ITSN1: variants seen among roughly 807,000 people sequenced by gnomAD.
ITSN1 encodes intersectin-1.
ITSN1 carries 58 observed loss-of-function variants against 239.8 expected under a neutral mutation model. The observed-to-expected ratio is 0.24, with a 90% confidence interval of 0.20 to 0.30. The LOEUF (loss-of-function observed/expected upper bound fraction) is 0.30. Ranked by LOEUF, ITSN1 falls within the 10% of genes least tolerant of loss-of-function variation. ITSN1 has a pLI of 1.00. For missense variants in ITSN1, 1,558 were observed against 2,103.3 expected (o/e 0.74, Z 5.07); for synonymous variants, 780 against 770.8 (o/e 1.01, Z -0.20).
chr21:33,798,262 T>G (rs2071715071), intron 18 of ITSN1, among the ~76,000 whole-genome samples: 1 of 146,264 alleles, frequency 6.8e-6, no homozygotes. Context: ...CATGCCCAGC[T>G]AATTTTTTTT....
At chr21:33,869,310 A>G (rs1982298140) in intron 33 of ITSN1, among the ~76,000 whole-genome samples, 1 of 152,206 alleles carries the variant, frequency 6.6e-6, no homozygotes, top group South Asian at 2.1e-4. Flanking sequence ...CATAATGGCA[A>G]GAAGGAGAAG....
chr21:33,829,582 G>C, intron 26 of ITSN1, 42 bp from the exon 27 acceptor site: 1 of 1,604,366 alleles, frequency 6.2e-7, no homozygotes, highest in African/African-American at 1.3e-5. Context: ...TTCTCCTGCT[G>C]ACTCTTAACA....
At chr21:33,739,391 G>A (rs1450367614) in intron 5 of ITSN1, among the ~76,000 whole-genome samples, 5 of 152,096 alleles carry the variant, frequency 3.3e-5, no homozygotes, top group African/African-American at 1.2e-4. Flanking sequence ...CAGAGTACAT[G>A]GTTTTATTGG....
At chr21:33,740,981 GA>G (rs574810673) in intron 5 of ITSN1, among the ~76,000 whole-genome samples, 3 of 152,166 alleles carry the variant, frequency 2.0e-5, no homozygotes, top group Non-Finnish European at 4.4e-5. Context: ...TATTATGTAA[GA>G]GAAGATTTCT....
Position 33,882,136 on chromosome 21 carries a change from T to G in ITSN1, c.4342-107T>G. ...TTCAAAGCTATCCTTGACTTTTGCC[T>G]GAGATCCGAGTCTGCTGGGGCCTGG... is the stretch of plus-strand genomic sequence containing the variant. On this transcript the variant is annotated intron_variant, in intron 34 of 39. Coordinates refer to ENST00000381318, the MANE Select transcript of ITSN1 (RefSeq NM_003024.3). This position sits in a 1 kb window ranked among gnomAD's most constrained non-coding sequence, Gnocchi z 4.5. The G allele has an allele frequency of 9.6e-6, 9 of 934,892 alleles. No homozygotes were observed. The highest frequency in any genetic ancestry group is 1.3e-5 in the Non-Finnish European group (8 of 625,040). The allele number at this position is 934,892 out of a possible 1,614,324, so 57.9% of individuals were successfully genotyped here.
chr21:33,863,513 G>T (rs1301245966), intron 31 of ITSN1, among the ~76,000 whole-genome samples: 1 of 152,144 alleles, frequency 6.6e-6, no homozygotes, highest in Non-Finnish European at 1.5e-5. Context: ...AAAATTAGCT[G>T]GGCATGGTGG....
chr21:33,755,631 G>T (rs1252836750), intron 8 of ITSN1, among the ~76,000 whole-genome samples: 1 of 152,140 alleles, frequency 6.6e-6, no homozygotes, highest in Non-Finnish European at 1.5e-5. Context: ...ACTCCTGTAC[G>T]CTGAAAGCCA....
rs567351077 is a variant in ITSN1, at chr21:33,728,637, A to G, written c.185+5986A>G. ...CTCTAGTTCCTCACATCGCAGGTTCATTGCCTTTCAGGTTTCAGTTCATAT... is the reference window on the plus strand; with the variant it reads ...CTCTAGTTCCTCACATCGCAGGTTCGTTGCCTTTCAGGTTTCAGTTCATAT... On this transcript the variant is annotated intron_variant, in intron 4 of 39. Coordinates refer to ENST00000381318, the MANE Select transcript of ITSN1 (RefSeq NM_003024.3). 6.6e-5 allele frequency among the ~76,000 whole-genome samples: 10 copies of G among 152,208 alleles called. No individual in the cohort carries two copies. In the South Asian group the frequency reaches 1.9e-3, roughly 28 times the overall value.
intron 4 of ITSN1, among the ~76,000 whole-genome samples, chr21:33,722,929 C>T (rs890195866): frequency 2.6e-5 from 4 of 152,108 alleles, no homozygotes; most frequent in African/African-American, 9.7e-5. Context: ...GTTCCTTCAC[C>T]AATTAGTTTT....
At chr21:33,795,922 C>T (rs1236675709) in intron 17 of ITSN1, among the ~76,000 whole-genome samples, 1 of 147,544 alleles carries the variant, frequency 6.8e-6, no homozygotes, top group Non-Finnish European at 1.5e-5. Context: ...ATATGGTGAC[C>T]TTCATTGGTA....
intron 2 of ITSN1, among the ~76,000 whole-genome samples, chr21:33,720,527 T>C (rs2065419726): frequency 6.6e-6 from 1 of 152,186 alleles, no homozygotes; most frequent in Non-Finnish European, 1.5e-5. Flanking sequence ...ACCCATTCTC[T>C]TTGGCTATTA....
At chr21:33,663,294 A>T (rs1328637258) in intron 1 of ITSN1, among the ~76,000 whole-genome samples, 1 of 152,254 alleles carries the variant, frequency 6.6e-6, no homozygotes, top group Non-Finnish European at 1.5e-5. Flanking sequence ...ATTACCTTTT[A>T]GATTTCTTAT....
intron 1 of ITSN1, among the ~76,000 whole-genome samples, chr21:33,682,599 G>A (rs1389789501): frequency 6.6e-6 from 1 of 152,036 alleles, no homozygotes; most frequent in East Asian, 1.9e-4. Flanking sequence ...CACCATCTTG[G>A]CTCACTGTAA....
At chr21:33,812,652 C>T (rs377274824) in intron 21 of ITSN1, among the ~76,000 whole-genome samples, 2 of 152,126 alleles carry the variant, frequency 1.3e-5, no homozygotes, top group African/African-American at 4.8e-5. Context: ...GTGCATGCCA[C>T]CATGCCCAGC....
chr21:33,646,610 C>A (rs2087978964), intron 1 of ITSN1, among the ~76,000 whole-genome samples: 1 of 152,106 alleles, frequency 6.6e-6, no homozygotes, highest in African/African-American at 2.4e-5. Flanking sequence ...TTGATCTAAC[C>A]TCTCAATGCC....
chr21:33,787,378 T>A (rs894964968), intron 16 of ITSN1, among the ~76,000 whole-genome samples: 9 of 152,254 alleles, frequency 5.9e-5, no homozygotes, highest in Admixed American at 6.5e-5. Context: ...ACAATTATGA[T>A]TTAATTCCTT....
chr21:33,752,043 ATTT>A, intron 7 of ITSN1, 137 bp downstream of exon 7: 1 of 607,376 alleles, frequency 1.6e-6, no homozygotes. Context: ...GCTAATAATA[ATTT>A]TCTTAATTTC....
chr21:33,733,902 G>C (rs1297751766), intron 4 of ITSN1, among the ~76,000 whole-genome samples: 1 of 152,124 alleles, frequency 6.6e-6, no homozygotes, highest in Non-Finnish European at 1.5e-5. Flanking sequence ...ATCACTTTTA[G>C]AGATTTTTTT....
Position 33,719,332 on chromosome 21 carries a change from T to G in ITSN1, c.28+476T>G, listed in dbSNP as rs373449496. On this transcript the variant is annotated intron_variant, in intron 2 of 39. Transcript: ENST00000381318. ...GGCAGGCACCTGTAGTCCCAGCTAC[T>G]TGGGAGGCTGAGGCAGGAGAATGAC... Among the ~76,000 whole-genome samples, 156 of 152,196 alleles carry G rather than the reference T, an allele frequency of 1.0e-3. 1 individual carries two copies. Among genetic ancestry groups the G allele is most frequent in the African/African-American group, 3.5e-3 (145 of 41,514 alleles).
Sources: gnomAD v4.1 joint callset for allele counts (sites outside exome capture counted in the v4.1 genomes callset) on GRCh38, gnomAD v4.1.1 for gene constraint, Gnocchi (gnomAD v3.1) non-coding constraint, MANE v1.5 for transcripts, NCBI Gene and HGNC (gene_info 2026-07-23, HGNC 2026-07-21) for gene names.